Variants in MTUS2 observed in about 807,000 individuals in gnomAD.
MTUS2 encodes the protein microtubule associated scaffold protein 2, also known as microtubule-associated tumor suppressor candidate 2.
Under a neutral mutation model 114.1 loss-of-function variants are expected in MTUS2, and 40 were observed. The observed-to-expected ratio is 0.35, with a 90% CI of 0.27 to 0.46. MTUS2 has a LOEUF of 0.46. MTUS2 is among the 20% of genes least tolerant of loss of function. The probability of loss-of-function intolerance (pLI) is 1.00; values close to 1 mark genes in which losing one functional copy is unlikely to be tolerated. For missense variants in MTUS2, 1,679 were observed against 1,705.4 expected, an observed-to-expected ratio of 0.98 and a Z score of 0.27; for synonymous variants, 688 against 672.0, an observed-to-expected ratio of 1.02 and a Z score of -0.37.
chr13:28,905,450 A>G lies in MTUS2; in HGVS notation c.-243+65600A>G, dbSNP rs1250387992. Among the ~76,000 whole-genome samples, 3 of 151,614 alleles carry G rather than the reference A, an allele frequency of 2.0e-5. 1 individual carries two copies. The highest frequency in any genetic ancestry group is 2.9e-5 in the Non-Finnish European group (2 of 67,952). On this transcript the variant is annotated intron_variant, in intron 2 of 15. Transcript: ENST00000612955. Reference sequence around the variant, plus strand: ...TCCCATCAATACCTCATTTATTGAGAGTTTTTAGCATGAAGGTTGTTGAAT... The same window carrying G: ...TCCCATCAATACCTCATTTATTGAGGGTTTTTAGCATGAAGGTTGTTGAAT...
At chr13:28,865,777 G>C (rs772680813) in intron 2 of MTUS2, among the ~76,000 whole-genome samples, 1 of 152,092 alleles carries the variant, frequency 6.6e-6, no homozygotes, top group Non-Finnish European at 1.5e-5. Context: ...GCCAGCTATC[G>C]GGTTTTCCCT....
At chr13:28,878,206 A>AAG (rs1555269788) in intron 2 of MTUS2, among the ~76,000 whole-genome samples, 3 of 149,598 alleles carry the variant, frequency 2.0e-5, no homozygotes, top group Non-Finnish European at 4.5e-5. Flanking sequence ...CTTAAAAAAG[A>AAG]ATATATATAT....
chr13:29,474,004 GAC>G (rs1231443748), intron 9 of MTUS2, among the ~76,000 whole-genome samples: 1 of 152,096 alleles, frequency 6.6e-6, no homozygotes, highest in East Asian at 1.9e-4. Flanking sequence ...TTTCTTTAGG[GAC>G]TCCATTATTG....
At chr13:29,042,189 T>C (rs531064861) in intron 4 of MTUS2, among the ~76,000 whole-genome samples, 1 of 152,302 alleles carries the variant, frequency 6.6e-6, no homozygotes, top group Admixed American at 6.5e-5. Flanking sequence ...ATGGTGGATT[T>C]TGTCAAATGC....
At chr13:28,969,185 G>T (rs1270607280) in intron 2 of MTUS2, among the ~76,000 whole-genome samples, 1 of 152,096 alleles carries the variant, frequency 6.6e-6, no homozygotes, top group African/African-American at 2.4e-5. Flanking sequence ...GGGACCACAG[G>T]TGCAAGCTAC....
At chr13:29,268,626 C>G (rs1897758287) in intron 5 of MTUS2, among the ~76,000 whole-genome samples, 1 of 152,158 alleles carries the variant, frequency 6.6e-6, no homozygotes, top group African/African-American at 2.4e-5. Flanking sequence ...CATGGTGAGG[C>G]CTTCCCCAGG....
At chr13:28,928,731 A>G (rs1020065566) in intron 2 of MTUS2, among the ~76,000 whole-genome samples, 3 of 152,244 alleles carry the variant, frequency 2.0e-5, no homozygotes, top group African/African-American at 7.2e-5. Context: ...ACTCCTGGGT[A>G]TATATCCAAA....
chr13:28,994,821 G>A (rs1885021477), intron 2 of MTUS2, among the ~76,000 whole-genome samples: 2 of 152,124 alleles, frequency 1.3e-5, no homozygotes. Flanking sequence ...AGATGAGTAG[G>A]TTGCGAAAAT....
rs188743128 is a variant in MTUS2 at position 29,210,698 on chromosome 13, C to A, written c.2645-71006C>A. Reference sequence around the variant, plus strand: ...AACTGTAATTATTGTTGTATTTTTTCTGGGTCTAGCCACCTAGCTGAGCTA... The same window carrying A: ...AACTGTAATTATTGTTGTATTTTTTATGGGTCTAGCCACCTAGCTGAGCTA... On this transcript the variant is annotated intron_variant, in intron 5 of 15. Transcript: ENST00000612955. 3.0e-3 allele frequency among the ~76,000 whole-genome samples: 450 copies of A among 152,198 alleles called. 4 individuals carry two copies. The highest frequency in any genetic ancestry group is 0.01 in the African/African-American group (426 of 41,528).
At chr13:28,963,743 C>T (rs977491047) in intron 2 of MTUS2, among the ~76,000 whole-genome samples, 9 of 152,332 alleles carry the variant, frequency 5.9e-5, no homozygotes, top group African/African-American at 1.9e-4. Context: ...AGGCTTCCAT[C>T]CCGTCACTCC....
chr13:29,181,518 A>G (rs904419857), intron 5 of MTUS2, among the ~76,000 whole-genome samples: 2 of 152,198 alleles, frequency 1.3e-5, no homozygotes, highest in Non-Finnish European at 2.9e-5. Context: ...AAGCATTGCC[A>G]TTTTTAATCA....
At chr13:29,420,238 A>ACTTTCTTT (rs371996946) in intron 8 of MTUS2, among the ~76,000 whole-genome samples, 1 of 149,066 alleles carries the variant, frequency 6.7e-6, no homozygotes, top group Non-Finnish European at 1.5e-5. Flanking sequence ...TCCTTAACTT[A>ACTTTCTTT]CTTTCTTTCT....
At chr13:28,914,142 T>A (rs889927513) in intron 2 of MTUS2, among the ~76,000 whole-genome samples, 3 of 151,964 alleles carry the variant, frequency 2.0e-5, no homozygotes, top group African/African-American at 4.8e-5. Flanking sequence ...TTATTTCTTG[T>A]CTTCTCCTAG....
At chr13:29,455,916 G>A (rs914566123) in intron 9 of MTUS2, among the ~76,000 whole-genome samples, 28 of 152,114 alleles carry the variant, frequency 1.8e-4, no homozygotes, top group African/African-American at 6.8e-4. Context: ...GGAAGGTTGA[G>A]GTTGCAGTGA....
intron 9 of MTUS2, among the ~76,000 whole-genome samples, chr13:29,477,785 A>G (rs1221701117): frequency 6.6e-6 from 1 of 152,172 alleles, no homozygotes; most frequent in Non-Finnish European, 1.5e-5. Flanking sequence ...ATATATATAT[A>G]TAATTGGTCC....
intron 5 of MTUS2, among the ~76,000 whole-genome samples, chr13:29,201,574 A>G (rs1225680693): frequency 1.3e-5 from 2 of 152,050 alleles, no homozygotes; most frequent in East Asian, 3.9e-4. Context: ...TTATTCTGCC[A>G]GTTGATGCAG....
Position 29,503,366 on chromosome 13 carries a change from C to G in MTUS2, c.*160C>G. ...CCTCTGATCCCCGTGTAAGACTGCCCTGGTGTCGGCACTTAGGAATGTGTA... is the reference window on the plus strand; with the variant it reads ...CCTCTGATCCCCGTGTAAGACTGCCGTGGTGTCGGCACTTAGGAATGTGTA... On this transcript the variant is annotated 3_prime_UTR_variant, in exon 16 of 16. Coordinates refer to ENST00000612955, the MANE Select transcript of MTUS2 (RefSeq NM_001033602.4). 1 of 713,610 alleles carries G rather than the reference C, an allele frequency of 1.4e-6. No homozygotes were observed. The highest frequency in any genetic ancestry group is 2.3e-6 in the Non-Finnish European group (1 of 433,318). The allele number at this position is 713,610 out of a possible 1,614,324, so 44.2% of individuals were successfully genotyped here.
At chr13:28,889,778 G>A (rs765238159) in intron 2 of MTUS2, among the ~76,000 whole-genome samples, 10 of 152,112 alleles carry the variant, frequency 6.6e-5, no homozygotes, top group Non-Finnish European at 1.5e-4. Context: ...GTCCCTAAGA[G>A]TAGCAATTAG....
At chr13:29,368,436 A>T (rs1189468478) in intron 8 of MTUS2, among the ~76,000 whole-genome samples, 1 of 144,390 alleles carries the variant, frequency 6.9e-6, no homozygotes, top group Non-Finnish European at 1.6e-5. Flanking sequence ...TAGTAGGGTG[A>T]CTGTATTAAC....
Sources: gnomAD v4.1 joint callset for allele counts (sites outside exome capture counted in the v4.1 genomes callset) on GRCh38, gnomAD v4.1.1 for gene constraint, MANE v1.5 for transcripts, NCBI Gene and HGNC (gene_info 2026-07-23, HGNC 2026-07-21) for gene names.